Variants in DSTN observed in about 807,000 individuals in gnomAD.
DSTN encodes the protein destrin, actin depolymerizing factor.
DSTN carries 10 observed loss-of-function variants against 16.8 expected under a neutral mutation model. The observed-to-expected ratio is 0.60, with a 90% CI of 0.37 to 1.01. The LOEUF (loss-of-function observed/expected upper bound fraction) is 1.01, where lower values mean the gene tolerates loss of function less well. Among genes scored for constraint, DSTN ranks in the 50% least tolerant of loss-of-function variants. The pLI, the probability that DSTN is intolerant of heterozygous loss-of-function variation, is 0.01. For missense variants in DSTN, 141 were observed against 196.7 expected (o/e 0.72, Z 1.69); for synonymous variants, 57 against 58.9 (o/e 0.97, Z 0.14).
chr20:17,592,459 G>A (rs886344912), intron 1 of DSTN, among the ~76,000 whole-genome samples: 7 of 151,418 alleles, frequency 4.6e-5, no homozygotes, highest in African/African-American at 1.5e-4. Context: ...TCTCGGAACC[G>A]GTTATTTAAT....
At position 17,607,126 on chromosome 20, in the gene DSTN, T is replaced by A; in HGVS notation, c.478T>A (p.Phe160Ile). The A allele has an allele frequency of 1.9e-6, 3 of 1,612,516 alleles. No homozygotes were observed. Among genetic ancestry groups the A allele is most frequent in the Non-Finnish European group, 2.5e-6 (3 of 1,179,946 alleles). ...GTTAGGTGGATCCTTAATTGTAGCC[T>A]TTGAAGGATGCCCTGTGTAGATTAT... Reference protein sequence around the residue: ...EKLGGSLIVAFEGCPV With the variant: ...EKLGGSLIVAIEGCPV The change falls in exon 4 of 4, where the codon TTT (phenylalanine) becomes ATT (isoleucine). Residue 160 changes from phenylalanine (F) to isoleucine (I), a missense_variant. Transcript: ENST00000246069.
chr20:17,598,703 CATT>C (rs989021982), intron 1 of DSTN, among the ~76,000 whole-genome samples: 2 of 151,988 alleles, frequency 1.3e-5, no homozygotes, highest in African/African-American at 2.4e-5. Flanking sequence ...ATTTGGGTAT[CATT>C]AATATTTTTC....
chr20:17,593,340 G>T (rs75693237), intron 1 of DSTN, among the ~76,000 whole-genome samples: 508 of 152,206 alleles, frequency 3.3e-3, no homozygotes, highest in Non-Finnish European at 5.4e-3. Flanking sequence ...TTCTCCATAA[G>T]TCAAACTAAT....
At chr20:17,592,945 C>G (rs1249203401) in intron 1 of DSTN, among the ~76,000 whole-genome samples, 1 of 152,332 alleles carries the variant, frequency 6.6e-6, no homozygotes, top group African/African-American at 2.4e-5. Context: ...CTATAATTTT[C>G]TTCCTCTTCT....
Position 17,570,227 on chromosome 20 carries a change from G to A in DSTN, c.3+16G>A. The A allele has an allele frequency of 6.6e-7, 1 of 1,506,534 alleles. No homozygotes were observed. The highest frequency in any genetic ancestry group is 8.8e-7 in the Non-Finnish European group (1 of 1,131,408). 93.3% of individuals were successfully genotyped at this position (1,506,534 alleles called of 1,614,324 possible). A position where few individuals can be genotyped will look rare whatever the true frequency, so the allele number is the denominator to read the frequency against. On this transcript the variant is annotated intron_variant, in intron 1 of 3. Transcript: ENST00000246069. ...GGCGAAGATGGTGAGTAGGAGGGAG[G>A]CCGAGGCGTGGGCCGAGGCGGCCGG...
At chr20:17,581,806 G>A (rs1358937380) in intron 1 of DSTN, among the ~76,000 whole-genome samples, 1 of 152,076 alleles carries the variant, frequency 6.6e-6, no homozygotes, top group African/African-American at 2.4e-5. Flanking sequence ...TGATTCAAAA[G>A]TTTTATAAAT....
intron 1 of DSTN, among the ~76,000 whole-genome samples, chr20:17,575,461 A>G (rs1042559266): frequency 2.0e-5 from 3 of 151,544 alleles, no homozygotes; most frequent in African/African-American, 7.3e-5. Flanking sequence ...ATATTGTGAA[A>G]GCATTTTTTT....
At chr20:17,598,788 C>T (rs2035554363) in intron 1 of DSTN, among the ~76,000 whole-genome samples, 1 of 152,056 alleles carries the variant, frequency 6.6e-6, no homozygotes, top group Non-Finnish European at 1.5e-5. Context: ...TTTAGAGGCA[C>T]GGTCTCCCTA....
chr20:17,588,051 A>G (rs1268864807), intron 1 of DSTN, among the ~76,000 whole-genome samples: 2 of 152,152 alleles, frequency 1.3e-5, no homozygotes, highest in African/African-American at 4.8e-5. Flanking sequence ...TTTCTCTTGC[A>G]CAGTGTATGA....
At chr20:17,572,205 C>T (rs1292070742) in intron 1 of DSTN, among the ~76,000 whole-genome samples, 1 of 152,160 alleles carries the variant, frequency 6.6e-6, no homozygotes, top group Non-Finnish European at 1.5e-5. Flanking sequence ...TTTAGAAGCA[C>T]CTGAAATAAA....
intron 3 of DSTN, among the ~76,000 whole-genome samples, chr20:17,606,345 G>GT (rs1361465645): frequency 6.6e-6 from 1 of 152,202 alleles, no homozygotes; most frequent in African/African-American, 2.4e-5. Flanking sequence ...TTGTGGTAGT[G>GT]TAATTGTTCT....
chr20:17,582,182 G>A (rs941038092), intron 1 of DSTN, among the ~76,000 whole-genome samples: 5 of 150,580 alleles, frequency 3.3e-5, no homozygotes, highest in Admixed American at 2.7e-4. Context: ...AGGTTCAAGC[G>A]ATTCTCCTGC....
Position 17,596,929 on chromosome 20 carries a change from G to A in DSTN, c.4-3809G>A, listed in dbSNP as rs2122198490. ...AGAATGTTTGAGATGCTTAGATATT[G>A]ATTGATGTATTTAAAGATTGGTTGA... On this transcript the variant is annotated intron_variant, in intron 1 of 3. Coordinates refer to ENST00000246069, the MANE Select transcript of DSTN (RefSeq NM_006870.4). 7.9e-6 allele frequency: 5 copies of A among 631,502 alleles called. No individual in the cohort carries two copies. The South Asian group carries it at 3.5e-4, about 45-fold the overall frequency. 39.1% of individuals were successfully genotyped at this position (631,502 alleles called of 1,614,324 possible).
At chr20:17,591,696 TA>T (rs2035471339) in intron 1 of DSTN, among the ~76,000 whole-genome samples, 1 of 152,148 alleles carries the variant, frequency 6.6e-6, no homozygotes, top group African/African-American at 2.4e-5. Context: ...CTGTGCACAT[TA>T]GAGTTAGATA....
chr20:17,601,740 T>C (rs903285610), intron 2 of DSTN, among the ~76,000 whole-genome samples: 17 of 152,310 alleles, frequency 1.1e-4, no homozygotes, highest in African/African-American at 4.1e-4. Flanking sequence ...AAAGTTATTT[T>C]TATGGCCTTT....
rs1439787713 is a variant in DSTN at position 17,609,853 on chromosome 20, A to G, written c.*2707A>G. The G allele has an allele frequency of 1.0e-4, 6 of 58,848 alleles. No homozygotes were observed. The highest frequency in any genetic ancestry group is 2.5e-4 in the Non-Finnish European group (3 of 11,950). The allele number at this position is 58,848 out of a possible 1,614,324, so 3.6% of individuals were successfully genotyped here. Reference sequence around the variant, plus strand: ...AAATATGTTTGTGGAAAGCTGACTTAGTCTCATCTAGCGGTTACTCTCTTG... The same window carrying G: ...AAATATGTTTGTGGAAAGCTGACTTGGTCTCATCTAGCGGTTACTCTCTTG... On this transcript the variant is annotated 3_prime_UTR_variant, in exon 4 of 4. Coordinates refer to ENST00000246069, the MANE Select transcript of DSTN (RefSeq NM_006870.4).
At chr20:17,574,783 A>G (rs1289991819) in intron 1 of DSTN, among the ~76,000 whole-genome samples, 1 of 150,418 alleles carries the variant, frequency 6.6e-6, no homozygotes, top group Non-Finnish European at 1.5e-5. Context: ...AAAACAAGTA[A>G]ACATGACTGA....
chr20:17,609,074 C>T lies in DSTN; in HGVS notation c.*1928C>T, dbSNP rs570300491. On this transcript the variant is annotated 3_prime_UTR_variant, in exon 4 of 4. Coordinates refer to ENST00000246069, the MANE Select transcript of DSTN (RefSeq NM_006870.4). ...GGTGGGGAACATTTTAATGTTGATC[C>T]ACATGCCAGGTGTTTGTGAGACAAG... is the stretch of plus-strand genomic sequence containing the variant. 1 of 152,274 alleles carries T rather than the reference C, an allele frequency of 6.6e-6. No homozygotes were observed. The highest frequency in any genetic ancestry group is 1.9e-4 in the East Asian group (1 of 5,190). The allele number at this position is 152,274 out of a possible 1,614,324, so 9.4% of individuals were successfully genotyped here.
chr20:17,598,827 AAC>A (rs1359321024), intron 1 of DSTN, among the ~76,000 whole-genome samples: 1 of 152,142 alleles, frequency 6.6e-6, no homozygotes, highest in African/African-American at 2.4e-5. Context: ...CAAACGCCTG[AAC>A]TCAAGTGATC....
Sources: allele counts gnomAD v4.1 joint callset (sites outside exome capture counted in the v4.1 genomes callset), GRCh38; gene constraint gnomAD v4.1.1; transcripts MANE v1.5; gene names NCBI Gene and HGNC (gene_info 2026-07-23, HGNC 2026-07-21).